ASIC2: variants seen among roughly 807,000 people sequenced by gnomAD.
ASIC2 encodes the protein acid sensing ion channel subunit 2.
Under a neutral mutation model 57.3 loss-of-function variants are expected in ASIC2, and 25 were observed. That is an observed-to-expected ratio of 0.44 (90% CI 0.32 to 0.61). The LOEUF (loss-of-function observed/expected upper bound fraction) is 0.61, where lower values mean the gene tolerates loss of function less well. Ranked by LOEUF, ASIC2 falls within the 20% of genes least tolerant of loss-of-function variation. The pLI, the probability that ASIC2 is intolerant of heterozygous loss-of-function variation, is 0.06. For synonymous variants in ASIC2, 319 were observed against 307.5 expected (o/e 1.04, Z -0.39); for missense variants, 641 against 738.1 (o/e 0.87, Z 1.52).
intron 1 of ASIC2, among the ~76,000 whole-genome samples, chr17:33,580,781 T>TC (rs1301044668): frequency 6.6e-6 from 1 of 152,102 alleles, no homozygotes; most frequent in African/African-American, 2.4e-5. Context: ...TTGTAGCACC[T>TC]CCCCAAGATA....
intron 1 of ASIC2, among the ~76,000 whole-genome samples, chr17:34,086,108 C>G (rs568173874): frequency 6.7e-6 from 1 of 148,766 alleles, no homozygotes; most frequent in East Asian, 2.0e-4. Flanking sequence ...TCTTGCTTTT[C>G]TAGTTCTTTT....
chr17:33,839,312 T>C (rs970878932), intron 1 of ASIC2, among the ~76,000 whole-genome samples: 1 of 152,174 alleles, frequency 6.6e-6, no homozygotes, highest in Non-Finnish European at 1.5e-5. Flanking sequence ...CCCAGGAACA[T>C]TGGGTGAAGG....
chr17:33,476,798 G>A (rs1310581789), intron 1 of ASIC2, among the ~76,000 whole-genome samples: 1 of 151,984 alleles, frequency 6.6e-6, no homozygotes, highest in African/African-American at 2.4e-5. Context: ...CAGAAACTGT[G>A]CAAATAAGAG....
At chr17:33,449,034 C>T (rs1385983378) in intron 1 of ASIC2, among the ~76,000 whole-genome samples, 1 of 152,108 alleles carries the variant, frequency 6.6e-6, no homozygotes, top group African/African-American at 2.4e-5. Flanking sequence ...ATAATATCTG[C>T]CCAAGGGTAC....
intron 1 of ASIC2, among the ~76,000 whole-genome samples, chr17:33,940,966 T>C (rs1053737863): frequency 2.6e-5 from 4 of 152,236 alleles, no homozygotes; most frequent in East Asian, 1.9e-4. Context: ...AGGGCCAGGC[T>C]GAGGTGTTTA....
At chr17:33,718,636 G>T (rs536023202) in intron 1 of ASIC2, among the ~76,000 whole-genome samples, 62 of 152,232 alleles carry the variant, frequency 4.1e-4, no homozygotes, top group African/African-American at 1.5e-3. Context: ...ACCTGTTTTT[G>T]CTCCCACCTT....
chr17:33,460,971 G>A (rs1243819593), intron 1 of ASIC2, among the ~76,000 whole-genome samples: 1 of 152,178 alleles, frequency 6.6e-6, no homozygotes, highest in Non-Finnish European at 1.5e-5. Context: ...ATTGCCCAGA[G>A]CTTTTCAGCT....
At chr17:33,169,292 A>G (rs1299343697) in intron 1 of ASIC2, among the ~76,000 whole-genome samples, 1 of 152,182 alleles carries the variant, frequency 6.6e-6, no homozygotes. Flanking sequence ...TGCCCCACTC[A>G]GGGGAGTGGT....
At chr17:33,403,145 C>A (rs1910341646) in intron 1 of ASIC2, among the ~76,000 whole-genome samples, 1 of 152,190 alleles carries the variant, frequency 6.6e-6, no homozygotes, top group South Asian at 2.1e-4. Flanking sequence ...TGCTAGTGAC[C>A]ATGCAGGGCT....
chr17:33,270,101 G>A (rs1597659639), intron 1 of ASIC2, among the ~76,000 whole-genome samples: 1 of 152,168 alleles, frequency 6.6e-6, no homozygotes, highest in Admixed American at 6.6e-5. Context: ...TACAATGAGC[G>A]ATTTTTTTGA....
At chr17:33,601,527 G>A (rs918040020) in intron 1 of ASIC2, among the ~76,000 whole-genome samples, 8 of 152,210 alleles carry the variant, frequency 5.3e-5, no homozygotes, top group African/African-American at 1.4e-4. Flanking sequence ...ATTTCTGCAG[G>A]TGTGCAGAAA....
At chr17:33,993,294 G>A (rs1906056222) in intron 1 of ASIC2, among the ~76,000 whole-genome samples, 1 of 152,088 alleles carries the variant, frequency 6.6e-6, no homozygotes, top group African/African-American at 2.4e-5. Flanking sequence ...AGTTTTTTTG[G>A]CACATGTCCA....
At chr17:34,039,018 A>T in intron 1 of ASIC2, 1 of 1,614,156 alleles carries the variant, frequency 6.2e-7, no homozygotes, top group Non-Finnish European at 8.5e-7. Context: ...TCTTATCTCT[A>T]CACGCCATCT....
At chr17:33,459,276 G>A (rs556099908) in intron 1 of ASIC2, among the ~76,000 whole-genome samples, 1 of 152,022 alleles carries the variant, frequency 6.6e-6, no homozygotes, top group African/African-American at 2.4e-5. Flanking sequence ...TGAGTATCTG[G>A]CCTGTTTGTC....
chr17:33,534,364 C>T (rs1406347561), intron 1 of ASIC2: 1 of 152,196 alleles, frequency 6.6e-6, no homozygotes, highest in Non-Finnish European at 1.5e-5. Flanking sequence ...TGAACAGCTT[C>T]AACTTCTTGC....
chr17:33,279,072 T>G (rs1030822253), intron 1 of ASIC2, among the ~76,000 whole-genome samples: 1 of 152,220 alleles, frequency 6.6e-6, no homozygotes, highest in Non-Finnish European at 1.5e-5. Flanking sequence ...GAGATAACCA[T>G]AGAAGAGATG....
At chr17:33,794,591 G>C (rs919320238) in intron 1 of ASIC2, 8 of 152,120 alleles carry the variant, frequency 5.3e-5, no homozygotes, top group African/African-American at 1.9e-4. Flanking sequence ...TTGGAAATTT[G>C]ATGCTATGTC....
chr17:33,308,602 C>A (rs1906277665), intron 1 of ASIC2, among the ~76,000 whole-genome samples: 1 of 152,008 alleles, frequency 6.6e-6, no homozygotes, highest in Admixed American at 6.6e-5. Flanking sequence ...TTTGTGTCAT[C>A]ACTGAACAAA....
chr17:33,611,706 T>C (rs1438039696), intron 1 of ASIC2, among the ~76,000 whole-genome samples: 5 of 152,344 alleles, frequency 3.3e-5, no homozygotes, highest in East Asian at 1.9e-4. Context: ...TTAAGCTAGA[T>C]TGTGCAAGCA....
Sources: allele counts gnomAD v4.1 joint callset (sites outside exome capture counted in the v4.1 genomes callset), GRCh38; gene constraint gnomAD v4.1.1; transcripts MANE v1.5; gene names NCBI Gene and HGNC (gene_info 2026-07-23, HGNC 2026-07-21).